ZNF148: variants seen among roughly 807,000 people sequenced by gnomAD.
The protein encoded by ZNF148 is zinc finger protein 148.
ZNF148 carries 7 observed loss-of-function variants against 67.7 expected under a neutral mutation model. The observed-to-expected ratio is 0.10, with a 90% CI of 0.06 to 0.19. ZNF148 has a LOEUF of 0.19. Among genes scored for constraint, ZNF148 ranks in the 10% least tolerant of loss-of-function variants. ZNF148 has a pLI of 1.00. For missense variants in ZNF148, 583 were observed against 947.1 expected, an observed-to-expected ratio of 0.62 and a Z score of 5.05; for synonymous variants, 333 against 330.7, an observed-to-expected ratio of 1.01 and a Z score of -0.08.
At chr3:125,304,142 C>A (rs1291879973) in intron 4 of ZNF148, among the ~76,000 whole-genome samples, 1 of 152,078 alleles carries the variant, frequency 6.6e-6, no homozygotes, top group African/African-American at 2.4e-5. Flanking sequence ...TGGGGCCAAA[C>A]AAGGTGTCAG....
At chr3:125,315,504 C>T (rs187622904) in intron 3 of ZNF148, among the ~76,000 whole-genome samples, 14 of 151,914 alleles carry the variant, frequency 9.2e-5, no homozygotes, top group Non-Finnish European at 1.3e-4. Context: ...GTCAGGAGAT[C>T]GAGACCATCC....
intron 7 of ZNF148, among the ~76,000 whole-genome samples, chr3:125,237,907 C>G (rs924643549): frequency 6.6e-6 from 1 of 152,096 alleles, no homozygotes; most frequent in Non-Finnish European, 1.5e-5. Flanking sequence ...CCACAATAAC[C>G]AAGATATTGT....
In ZNF148 at chr3:125,313,392, A is replaced by G; in HGVS notation, c.249T>C (p.His83=). The G allele has an allele frequency of 6.2e-7, 1 of 1,614,144 alleles. No individual in the cohort carries two copies. The highest frequency in any genetic ancestry group is 8.5e-7 in the Non-Finnish European group (1 of 1,180,022). ...DMISHDELMV[H]EETVKNDEEQ... ...CTTCATCATTTTTCACTGTCTCCTC[A>G]TGGACCATGAGTTCATCATGTGATA... The change falls in exon 4 of 9, where the codon CAT becomes CAC. Residue 83 remains histidine, a synonymous_variant. Transcript: ENST00000360647.
intron 1 of ZNF148, among the ~76,000 whole-genome samples, chr3:125,369,961 CAACA>C (rs1942825830): frequency 1.3e-5 from 2 of 150,060 alleles, no homozygotes; most frequent in African/African-American, 5.0e-5. Flanking sequence ...CCAGCCTGGG[CAACA>C]GAGCAAGACC....
At chr3:125,255,236 C>CTTTT in intron 7 of ZNF148, among the ~76,000 whole-genome samples, 1 of 62,134 alleles carries the variant, frequency 1.6e-5, no homozygotes, top group Non-Finnish European at 2.8e-5. Context: ...TCTCCACCTG[C>CTTTT]TTTTTTTTTT....
At chr3:125,243,018 A>G (rs1936436787) in intron 7 of ZNF148, among the ~76,000 whole-genome samples, 1 of 152,140 alleles carries the variant, frequency 6.6e-6, no homozygotes, top group African/African-American at 2.4e-5. Flanking sequence ...TAAATTTCAG[A>G]ATTAGCTTAT....
intron 4 of ZNF148, among the ~76,000 whole-genome samples, chr3:125,289,007 G>T (rs1938862558): frequency 6.6e-6 from 1 of 152,160 alleles, no homozygotes; most frequent in South Asian, 2.1e-4. Context: ...AAGGTTCTAA[G>T]ATCACTAACA....
intron 4 of ZNF148, among the ~76,000 whole-genome samples, chr3:125,303,520 G>T (rs1034018572): frequency 6.6e-6 from 1 of 152,134 alleles, no homozygotes; most frequent in African/African-American, 2.4e-5. Flanking sequence ...TCTCATAGGA[G>T]CTCAAACCCT....
At chr3:125,252,625 G>A (rs1345377435) in intron 7 of ZNF148, among the ~76,000 whole-genome samples, 4 of 152,064 alleles carry the variant, frequency 2.6e-5, no homozygotes, top group African/African-American at 9.7e-5. Context: ...AAAATTAGCT[G>A]GGGGTGGTGG....
intron 7 of ZNF148, among the ~76,000 whole-genome samples, chr3:125,263,348 C>T (rs1383154218): frequency 1.3e-5 from 2 of 152,092 alleles, no homozygotes; most frequent in Non-Finnish European, 2.9e-5. Flanking sequence ...GTGAGGAGTT[C>T]GAGACCAGCC....
At chr3:125,264,898 AG>A (rs1263776692) in intron 7 of ZNF148, among the ~76,000 whole-genome samples, 1 of 152,204 alleles carries the variant, frequency 6.6e-6, no homozygotes. Context: ...AGTTTCCTTC[AG>A]GGGAAAAAAA....
Position 125,346,139 on chromosome 3 carries a change from T to A in ZNF148, c.-233-14901A>T, listed in dbSNP as rs189694180. Among the ~76,000 whole-genome samples the A allele has an allele frequency of 5.3e-5, 8 of 152,302 alleles. No individual in the cohort carries two copies. The East Asian group carries it at 1.5e-3, about 29-fold the overall frequency. ...AAGGATTATGCATGACCATGTAGGA[T>A]TTATCTCAGAAATGCAAGGTTGGCT... On this transcript the variant is annotated intron_variant, in intron 1 of 8. Coordinates refer to ENST00000360647, the MANE Select transcript of ZNF148 (RefSeq NM_021964.3).
chr3:125,273,845 TAAAA>T (rs1330299724), intron 7 of ZNF148, among the ~76,000 whole-genome samples: 1 of 152,054 alleles, frequency 6.6e-6, no homozygotes, highest in African/African-American at 2.4e-5. Flanking sequence ...CTAATTGAAA[TAAAA>T]AATAAATTAT....
At chr3:125,279,015 G>T in intron 6 of ZNF148, 109 bp downstream of exon 6, 1 of 1,178,064 alleles carries the variant, frequency 8.5e-7, no homozygotes, top group Non-Finnish European at 1.1e-6. Context: ...CTCTGATTTG[G>T]AATGCCAGAT....
At chr3:125,313,246 G>C in intron 4 of ZNF148, 62 bp downstream of exon 4, 3 of 1,347,986 alleles carry the variant, frequency 2.2e-6, no homozygotes, top group Non-Finnish European at 3.1e-6. Flanking sequence ...TCGATGACTT[G>C]CAGTATTACG....
intron 7 of ZNF148, among the ~76,000 whole-genome samples, chr3:125,245,104 T>C (rs1936536884): frequency 1.3e-5 from 2 of 152,204 alleles, no homozygotes; most frequent in Admixed American, 6.5e-5. Context: ...GCTTATGTAA[T>C]ATATCCACTT....
chr3:125,345,830 C>T (rs1579862899), intron 1 of ZNF148, among the ~76,000 whole-genome samples: 1 of 152,036 alleles, frequency 6.6e-6, no homozygotes, highest in Non-Finnish European at 1.5e-5. Flanking sequence ...AAAAGCCCCC[C>T]CAACTGCTGC....
Position 125,233,931 on chromosome 3 carries a change from G to T in ZNF148, c.795C>A (p.Ser265=). The T allele has an allele frequency of 1.3e-6, 2 of 1,593,396 alleles. No homozygotes were observed. Among genetic ancestry groups the T allele is most frequent in the South Asian group, 2.3e-5 (2 of 87,042 alleles). ...YQCEYCLQYF[S]RTDRVLKHKR... Reference sequence around the variant, plus strand: ...TATGTTTCAATACACGATCTGTTCTGGAAAAATACTGTTGAATTCAGAGGA... The same window carrying T: ...TATGTTTCAATACACGATCTGTTCTTGAAAAATACTGTTGAATTCAGAGGA... Residue 265 remains serine (S), a synonymous_variant, in exon 9 of 9, where the codon TCC becomes TCA. Transcript: ENST00000360647. This position sits in a 1 kb window ranked among gnomAD's most constrained non-coding sequence, Gnocchi z 5.1.
intron 1 of ZNF148, among the ~76,000 whole-genome samples, chr3:125,364,617 A>C (rs1340722852): frequency 6.7e-6 from 1 of 148,262 alleles, no homozygotes; most frequent in Non-Finnish European, 1.5e-5. Flanking sequence ...AAAACACACA[A>C]CACTACTCTG....
Sources: allele counts gnomAD v4.1 joint callset (sites outside exome capture counted in the v4.1 genomes callset), GRCh38; gene constraint gnomAD v4.1.1; non-coding constraint Gnocchi (gnomAD v3.1); transcripts MANE v1.5; gene names NCBI Gene and HGNC (gene_info 2026-07-23, HGNC 2026-07-21).